Variants in DDR1 observed in about 807,000 individuals in gnomAD.
The protein encoded by DDR1 is epithelial discoidin domain-containing receptor 1.
In DDR1, 64 loss-of-function variants were observed where a neutral mutation model predicts 97.4. The observed-to-expected ratio is 0.66, with a 90% CI of 0.54 to 0.81. DDR1 has a LOEUF of 0.81. DDR1 is among the 30% of genes least tolerant of loss of function. DDR1 has a pLI of 0.00. For missense variants in DDR1, 990 were observed against 1,259.6 expected, an observed-to-expected ratio of 0.79 and a Z score of 3.24; for synonymous variants, 458 against 503.7, an observed-to-expected ratio of 0.91 and a Z score of 1.21.
In DDR1 at chr6:30,895,426, C is replaced by G; in HGVS notation, c.1536C>G (p.Ala512=). 6.2e-7 allele frequency: 1 copy of G among 1,611,236 alleles called. No individual in the cohort carries two copies. Among genetic ancestry groups the G allele is most frequent in the Admixed American group, 1.7e-5 (1 of 59,790 alleles). Residue 512 remains alanine (A), a synonymous_variant, in exon 12 of 18, where the codon GCC becomes GCG. Transcript: ENST00000376568. ...CAGCGTTGCTGCTCTCCAATCCAGC[C>G]TACCGCCTCCTTCTGGCCACTTACG... is the stretch of plus-strand genomic sequence containing the variant. ...NGSALLLSNP[A]YRLLLATYAR...
chr6:30,891,554 TGTG>T lies in DDR1; in HGVS notation c.665+76_665+78del. 2.1e-6 allele frequency: 2 copies of T among 943,284 alleles called. No homozygotes were observed. Among genetic ancestry groups the T allele is most frequent in the Non-Finnish European group, 1.6e-6 (1 of 614,456 alleles). The allele number at this position is 943,284 out of a possible 1,614,324, so 58.4% of individuals were successfully genotyped here. A position where few individuals can be genotyped will look rare whatever the true frequency, so the allele number is the denominator to read the frequency against. ...GTGTGTGTGTGTGTGTGTGTGTGTG[TGTG>T]AGAGTGTGTGTGTGTAGGGGGGCTG... On this transcript the variant is annotated intron_variant, in intron 6 of 17. Coordinates refer to ENST00000376568, the MANE Select transcript of DDR1 (RefSeq NM_001297654.2). The surrounding 1 kb of genome is among the most constrained non-coding windows in gnomAD (Gnocchi z 5.3).
At position 30,896,591 on chromosome 6, in the gene DDR1, G is replaced by A. The variant is rs771808839; in HGVS notation, c.1625-30G>A. On this transcript the variant is annotated intron_variant, in intron 12 of 17. Coordinates refer to ENST00000376568, the MANE Select transcript of DDR1 (RefSeq NM_001297654.2). ...GCTCTTGGGCTGTTCCTGATGCCTC[G>A]TCCTGTCTTCTTTCCCCTCACCCCT... The A allele has an allele frequency of 1.1e-5, 17 of 1,601,330 alleles. No individual in the cohort carries two copies. The East Asian group carries it at 1.6e-4, about 15-fold the overall frequency.
Position 30,892,328 on chromosome 6 carries a change from C to A in DDR1, c.885C>A (p.Ala295=), listed in dbSNP as rs2150353667. ...VHCNNMHTLG[A]RLPGGVECRF... is the part of the protein sequence containing the mutation. ...GTAACAACATGCACACGCTGGGAGC[C>A]CGTCTGCCTGGCGGGGTGGAATGTC... is the stretch of plus-strand genomic sequence containing the variant. The change falls in exon 8 of 18, where the codon GCC becomes GCA. Residue 295 remains alanine, a synonymous_variant. Coordinates refer to ENST00000376568, the MANE Select transcript of DDR1 (RefSeq NM_001297654.2). 1 of 1,574,308 alleles carries A rather than the reference C, an allele frequency of 6.4e-7. No homozygotes were observed.
At position 30,899,686 on chromosome 6, in the gene DDR1, G is replaced by C; in HGVS notation, c.*390G>C. ...CACTGATTCCTGGAGAGGTGGCTGC[G>C]CCCCCAGCTTCTCTCTCCCTGTCAC... On this transcript the variant is annotated 3_prime_UTR_variant, in exon 18 of 18. Transcript: ENST00000376568. 2.8e-6 allele frequency: 1 copy of C among 354,428 alleles called. No homozygotes were observed. The highest frequency in any genetic ancestry group is 4.7e-5 in the East Asian group (1 of 21,088). The allele number at this position is 354,428 out of a possible 1,614,324, so 22.0% of individuals were successfully genotyped here.
In DDR1 at chr6:30,888,795, G is replaced by C; in HGVS notation, c.66G>C (p.Met22Ile). 6.2e-7 allele frequency: 1 copy of C among 1,613,050 alleles called. No homozygotes were observed. Among genetic ancestry groups the C allele is most frequent in the Non-Finnish European group, 8.5e-7 (1 of 1,180,028 alleles). The change falls in exon 2 of 18, where the codon ATG becomes ATC. Residue 22 changes from methionine to isoleucine, a missense_variant. Transcript: ENST00000376568. This position sits in a 1 kb window ranked among gnomAD's most constrained non-coding sequence, Gnocchi z 4.2. Reference sequence around the variant, plus strand: ...TGGTGGCAAGTGGAGATGCTGACATGAAGGGACATTTTGATCCTGGTGAGG... The same window carrying C: ...TGGTGGCAAGTGGAGATGCTGACATCAAGGGACATTTTGATCCTGGTGAGG... ...LLLVASGDAD[M>I]KGHFDPAKCR...
At chr6:30,896,586 G>A in intron 12 of DDR1, 35 bp from the exon 13 acceptor site, 1 of 1,596,396 alleles carries the variant, frequency 6.3e-7, no homozygotes, top group Non-Finnish European at 8.5e-7. Context: ...TGTTCCTGAT[G>A]CCTCGTCCTG....
Position 30,891,254 on chromosome 6 carries a change from G to T in DDR1, c.566-126G>T. 6.9e-7 allele frequency: 1 copy of T among 1,453,142 alleles called. No individual in the cohort carries two copies. Among genetic ancestry groups the T allele is most frequent in the South Asian group, 1.2e-5 (1 of 80,600 alleles). 90.0% of individuals were successfully genotyped at this position (1,453,142 alleles called of 1,614,324 possible). A position where few individuals can be genotyped will look rare whatever the true frequency, so the allele number is the denominator to read the frequency against. On this transcript the variant is annotated intron_variant, in intron 5 of 17. Coordinates refer to ENST00000376568, the MANE Select transcript of DDR1 (RefSeq NM_001297654.2). This position sits in a 1 kb window ranked among gnomAD's most constrained non-coding sequence, Gnocchi z 5.3. ...TCTGAGGAGGGGGCTAGCCAGCATT[G>T]TCTCCTCCATGCCAATGAGCCAGTG...
chr6:30,893,076 A>G lies in DDR1; in HGVS notation c.1108A>G (p.Asn370Asp), dbSNP rs1789174776. 1.2e-6 allele frequency: 2 copies of G among 1,612,448 alleles called. No individual in the cohort carries two copies. The highest frequency in any genetic ancestry group is 2.7e-5 in the African/African-American group (2 of 75,020). The change falls in exon 9 of 18, where the codon AAC (asparagine) becomes GAC (aspartate). Residue 370 changes from asparagine (N) to aspartate (D), a missense_variant. Transcript: ENST00000376568. ...TTGTTCCTTCTCCCCAGATGTGGTG[A>G]ACAATTCCTCTCCGGCACTGGGAGG... ...SEISFISDVV[N>D]NSSPALGGTF...
chr6:30,885,697 G>A (rs1016545534), intron 1 of DDR1: 45 of 1,310,328 alleles, frequency 3.4e-5, no homozygotes, highest in African/African-American at 2.4e-4. Flanking sequence ...ACGGGTTGAT[G>A]TATGCATGAG....
rs1791590962 is a variant in DDR1, at chr6:30,898,071, A to G, written c.2217-2A>G. 6.2e-7 allele frequency: 1 copy of G among 1,612,526 alleles called. No homozygotes were observed. Among genetic ancestry groups the G allele is most frequent in the Admixed American group, 1.7e-5 (1 of 60,004 alleles). On this transcript the variant is annotated splice_acceptor_variant, in intron 15 of 17. Coordinates refer to ENST00000376568, the MANE Select transcript of DDR1 (RefSeq NM_001297654.2). LOFTEE classifies it high-confidence loss of function. ...GTGACCTTCTGTCGGTTCCCTTCTCAGCTACCCAATGCTGCTGCATGTGGC... is the reference window on the plus strand; with the variant it reads ...GTGACCTTCTGTCGGTTCCCTTCTCGGCTACCCAATGCTGCTGCATGTGGC...
Position 30,895,492 on chromosome 6 carries a change from G to A in DDR1, c.1602G>A (p.Trp534Ter). The A allele has an allele frequency of 6.2e-7, 1 of 1,601,228 alleles. No homozygotes were observed. Among genetic ancestry groups the A allele is most frequent in the Non-Finnish European group, 8.5e-7 (1 of 1,177,228 alleles). ...GCCCGGGCCCCCCCACACCCGCCTG[G>A]GCCAAACCCACCAACACCCAGGGTA... ...PRGPGPPTPAWAKPTNTQAYS... is the reference protein window; with the variant it reads ...PRGPGPPTPA The change falls in exon 12 of 18, where the codon TGG becomes TGA. Residue 534 changes from tryptophan to a stop codon, truncating the protein, a stop_gained. Coordinates refer to ENST00000376568, the MANE Select transcript of DDR1 (RefSeq NM_001297654.2). LOFTEE classifies it high-confidence loss of function.
At position 30,898,877 on chromosome 6, in the gene DDR1, C is replaced by T; in HGVS notation, c.2452-11C>T. The T allele has an allele frequency of 1.2e-6, 2 of 1,601,296 alleles. No individual in the cohort carries two copies. The highest frequency in any genetic ancestry group is 8.5e-7 in the Non-Finnish European group (1 of 1,170,714). ...TCCCTGTCTGTTTTTGCTGCCTTCT[C>T]TGCATCCCAGGGGAAGTTCACGACT... On this transcript the variant is annotated splice_polypyrimidine_tract_variant and intron_variant, in intron 16 of 17. Coordinates refer to ENST00000376568, the MANE Select transcript of DDR1 (RefSeq NM_001297654.2).
At position 30,895,391 on chromosome 6, in the gene DDR1, C is replaced by T. The variant is rs1790344153; in HGVS notation, c.1514-13C>T. 6.2e-7 allele frequency: 1 copy of T among 1,602,322 alleles called. No homozygotes were observed. On this transcript the variant is annotated splice_polypyrimidine_tract_variant and intron_variant, in intron 11 of 17. Coordinates refer to ENST00000376568, the MANE Select transcript of DDR1 (RefSeq NM_001297654.2). ...TCCCTTCCCCGTGTTTCCCCTCCTCCTTCTCCCGACAGCGTTGCTGCTCTC... is the reference window on the plus strand; with the variant it reads ...TCCCTTCCCCGTGTTTCCCCTCCTCTTTCTCCCGACAGCGTTGCTGCTCTC...
At position 30,899,283 on chromosome 6, in the gene DDR1, T is replaced by A. The variant is rs2150487617; in HGVS notation, c.2729T>A (p.Leu910His). The A allele has an allele frequency of 6.2e-7, 1 of 1,611,976 alleles. No individual in the cohort carries two copies. Among genetic ancestry groups the A allele is most frequent in the African/African-American group, 1.3e-5 (1 of 75,010 alleles). Residue 910 changes from leucine (L) to histidine (H), a missense_variant, in exon 18 of 18, where the codon CTC becomes CAC. By Grantham distance (99) the Leu-to-His change is moderately conservative. Coordinates refer to ENST00000376568, the MANE Select transcript of DDR1 (RefSeq NM_001297654.2). ...QLHRFLAEDA[L>H]NTV ...CATCGGTTCCTGGCAGAGGATGCAC[T>A]CAACACGGTGTGAATCACACATCCA...
At position 30,884,810 on chromosome 6, in the gene DDR1, C is replaced by T. The variant is rs1034936001; in HGVS notation, c.-43+100C>T. On this transcript the variant is annotated intron_variant, in intron 1 of 17. Coordinates refer to ENST00000376568, the MANE Select transcript of DDR1 (RefSeq NM_001297654.2). The surrounding 1 kb of genome is among the most constrained non-coding windows in gnomAD (Gnocchi z 6.1). ...AGGGCGAGGGGCGGGGGAGGCAGGACGTCCCGAGCCATGCTTGGTCGTCCA... is the reference window on the plus strand; with the variant it reads ...AGGGCGAGGGGCGGGGGAGGCAGGATGTCCCGAGCCATGCTTGGTCGTCCA... 6 of 192,216 alleles carry T rather than the reference C, an allele frequency of 3.1e-5. No individual in the cohort carries two copies. The highest frequency in any genetic ancestry group is 2.1e-5 in the Non-Finnish European group (2 of 93,940). 11.9% of individuals were successfully genotyped at this position (192,216 alleles called of 1,614,324 possible). A position where few individuals can be genotyped will look rare whatever the true frequency, so the allele number is the denominator to read the frequency against.
rs1788735644 is a variant in DDR1, at chr6:30,892,291, C to A, written c.853-5C>A. The A allele has an allele frequency of 6.3e-7, 1 of 1,576,938 alleles. No individual in the cohort carries two copies. The highest frequency in any genetic ancestry group is 8.6e-7 in the Non-Finnish European group (1 of 1,159,166). On this transcript the variant is annotated splice_polypyrimidine_tract_variant and splice_region_variant and intron_variant, in intron 7 of 17. Coordinates refer to ENST00000376568, the MANE Select transcript of DDR1 (RefSeq NM_001297654.2). Reference sequence around the variant, plus strand: ...TGACCCTGTGCCCTCTTCCCTTCCCCCCAGGTCCACTGTAACAACATGCAC... The same window carrying A: ...TGACCCTGTGCCCTCTTCCCTTCCCACCAGGTCCACTGTAACAACATGCAC...
At chr6:30,883,555 C>G (rs974758381), upstream of DDR1, 2 of 153,610 alleles carry the variant, frequency 1.3e-5, no homozygotes, top group African/African-American at 4.8e-5. This position sits in a 1 kb window ranked among gnomAD's most constrained non-coding sequence, Gnocchi z 4.9. Context: ...TCCTGCTCCT[C>G]TTCTTCCTCC....
chr6:30,896,508 C>G, intron 12 of DDR1, 113 bp from the exon 13 acceptor site: 1 of 1,332,316 alleles, frequency 7.5e-7, no homozygotes, highest in Non-Finnish European at 1.0e-6. Context: ...TAGACCCAGT[C>G]TCTCACTCAA....
Position 30,888,755 on chromosome 6 carries a change from T to C in DDR1, c.26T>C (p.Leu9Ser), listed in dbSNP as rs1277199422. The change falls in exon 2 of 18, where the codon TTA (leucine) becomes TCA (serine). Residue 9 changes from leucine to serine, a missense_variant. Transcript: ENST00000376568. The surrounding 1 kb of genome is among the most constrained non-coding windows in gnomAD (Gnocchi z 4.2). ...ATGGGACCAGAGGCCCTGTCATCTT[T>C]ACTGCTGCTGCTCTTGGTGGCAAGT... MGPEALSS[L>S]LLLLLVASGD... 5 of 1,612,972 alleles carry C rather than the reference T, an allele frequency of 3.1e-6. No homozygotes were observed. The highest frequency in any genetic ancestry group is 4.2e-6 in the Non-Finnish European group (5 of 1,179,996).
Sources: allele counts gnomAD v4.1 joint callset, GRCh38; gene constraint gnomAD v4.1.1; non-coding constraint Gnocchi (gnomAD v3.1); transcripts MANE v1.5; gene names NCBI Gene and HGNC (gene_info 2026-07-23, HGNC 2026-07-21).